The following RAPGEF2 variants were observed in gnomAD, a reference collection of about 807,000 sequenced individuals.
RAPGEF2 encodes Rap guanine nucleotide exchange factor 2, also known as PDZ domain containing guanine nucleotide exchange factor (GEF) 1.
A neutral mutation model predicts 186.7 loss-of-function variants in RAPGEF2; 54 were observed. The ratio of observed to expected loss-of-function variants is 0.29; its 90% CI spans 0.23 to 0.36. RAPGEF2 has a LOEUF of 0.36. Ranked by LOEUF, RAPGEF2 falls within the 10% of genes least tolerant of loss-of-function variation. The probability of loss-of-function intolerance (pLI) is 1.00; values close to 1 mark genes in which losing one functional copy is unlikely to be tolerated. For missense variants in RAPGEF2, 1,532 were observed against 2,045.0 expected (o/e 0.75, Z 4.84); for synonymous variants, 712 against 705.9 (o/e 1.01, Z -0.14).
At chr4:159,120,344 T>C (rs1739530962) in intron 1 of RAPGEF2, among the ~76,000 whole-genome samples, 1 of 152,346 alleles carries the variant, frequency 6.6e-6, no homozygotes, top group Middle Eastern at 3.4e-3. Context: ...TATAAGTATA[T>C]ATTTTTATGT....
intron 7 of RAPGEF2, among the ~76,000 whole-genome samples, chr4:159,273,674 CT>C (rs1190775691): frequency 6.8e-6 from 1 of 148,012 alleles, no homozygotes; most frequent in Non-Finnish European, 1.5e-5. Flanking sequence ...TTCTTTCTTT[CT>C]TTCTTTCTTT....
At chr4:159,302,117 T>C (rs1201612752) in intron 7 of RAPGEF2, among the ~76,000 whole-genome samples, 1 of 152,198 alleles carries the variant, frequency 6.6e-6, no homozygotes, top group Non-Finnish European at 1.5e-5. Context: ...AATTCTGATA[T>C]TTGGCTGTAA....
chr4:159,283,939 C>G lies in RAPGEF2; in HGVS notation c.544-20403C>G, dbSNP rs146642300. 9.0e-3 allele frequency among the ~76,000 whole-genome samples: 1,371 copies of G among 152,196 alleles called. 13 individuals carry two copies. The highest frequency in any genetic ancestry group is 0.012 in the Non-Finnish European group (799 of 67,998). On this transcript the variant is annotated intron_variant, in intron 7 of 29. Transcript: ENST00000691494. The stretch of plus-strand genomic sequence containing the variant: ...AAGCCATGAGTTCATTCTCCACCCC[C>G]CTCCCCAAATTTGCATGCAGTAAAA...
rs771342675 is a variant in RAPGEF2 at position 159,304,309 on chromosome 4, T to C, written c.544-33T>C. ...GTCTTCTTGGAGTTCTTGATTCAGA[T>C]TGTAATCCTAGTTTTTCCTGCTCCT... On this transcript the variant is annotated intron_variant, in intron 7 of 29. Transcript: ENST00000691494. The C allele has an allele frequency of 5.8e-6, 9 of 1,555,606 alleles. No homozygotes were observed. The South Asian group carries it at 9.4e-5, about 16-fold the overall frequency.
intron 8 of RAPGEF2, among the ~76,000 whole-genome samples, chr4:159,313,464 C>T (rs1764188328): frequency 6.6e-6 from 1 of 152,056 alleles, no homozygotes; most frequent in Admixed American, 6.5e-5. Flanking sequence ...AAATACATAG[C>T]AATTAGAGCA....
intron 4 of RAPGEF2, chr4:159,229,555 T>G (rs1289142843): frequency 2.6e-5 from 4 of 152,232 alleles, no homozygotes; most frequent in Admixed American, 2.6e-4. Flanking sequence ...TCCCAAACTT[T>G]CATGCGGTGT....
intron 1 of RAPGEF2, among the ~76,000 whole-genome samples, chr4:159,183,027 T>TA (rs1747184689): frequency 2.0e-5 from 3 of 152,102 alleles, no homozygotes; most frequent in African/African-American, 7.2e-5. Flanking sequence ...GCAACCCTAC[T>TA]AAAATCCCAA....
intron 7 of RAPGEF2, among the ~76,000 whole-genome samples, chr4:159,252,644 A>C (rs1755601620): frequency 1.3e-5 from 2 of 152,164 alleles, no homozygotes; most frequent in African/African-American, 2.4e-5. Context: ...GCAGCCAGCT[A>C]TTCTGCAAGC....
At position 159,346,927 on chromosome 4, in the gene RAPGEF2, G is replaced by T. The variant is rs113393985; in HGVS notation, c.3641G>T (p.Gly1214Val). 184 of 1,614,148 alleles carry T rather than the reference G, an allele frequency of 1.1e-4. No homozygotes were observed. The East Asian group carries it at 1.8e-3, about 15-fold the overall frequency. The change falls in exon 25 of 30, where the codon GGA becomes GTA. Residue 1214 changes from glycine to valine, a missense_variant. Gly to Val is a moderately radical substitution (Grantham distance 109). Coordinates refer to ENST00000691494, the MANE Select transcript of RAPGEF2 (RefSeq NM_001394067.2). Reference protein sequence around the residue: ...QPPPAHKINQGLQVPAVSLYP... With the variant: ...QPPPAHKINQVLQVPAVSLYP... Reference sequence around the variant, plus strand: ...CCACCAGCACATAAAATCAACCAGGGACTACAGGTTCCCGCCGTGTCCCTT... The same window carrying T: ...CCACCAGCACATAAAATCAACCAGGTACTACAGGTTCCCGCCGTGTCCCTT...
In RAPGEF2 at chr4:159,129,934, A is replaced by C. The variant is rs903738525; in HGVS notation, c.69+25703A>C. 3.3e-5 allele frequency among the ~76,000 whole-genome samples: 5 copies of C among 152,210 alleles called. No homozygotes were observed. In the South Asian group the frequency reaches 1.0e-3, roughly 32 times the overall value. On this transcript the variant is annotated intron_variant, in intron 1 of 29. Transcript: ENST00000691494. ...TGAGGACTGGTGGCTGGCTGTTTTT[A>C]TGGTTATTTCTTGATTATATACTAA...
At chr4:159,215,911 C>A (rs1750954610) in intron 4 of RAPGEF2, among the ~76,000 whole-genome samples, 2 of 152,142 alleles carry the variant, frequency 1.3e-5, no homozygotes, top group Non-Finnish European at 2.9e-5. Flanking sequence ...GCTTCTCATG[C>A]ATGGACTCTA....
chr4:159,263,828 A>G (rs1757141871), intron 7 of RAPGEF2, among the ~76,000 whole-genome samples: 1 of 152,182 alleles, frequency 6.6e-6, no homozygotes, highest in South Asian at 2.1e-4. Flanking sequence ...GGTGGAAAAA[A>G]AAAGAATATA....
intron 9 of RAPGEF2, among the ~76,000 whole-genome samples, chr4:159,320,426 T>A (rs1251741025): frequency 6.6e-6 from 1 of 152,214 alleles, no homozygotes; most frequent in African/African-American, 2.4e-5. Context: ...ACAGAACGTA[T>A]TCTTTCTATA....
At chr4:159,146,677 G>A (rs1022601539) in intron 1 of RAPGEF2, among the ~76,000 whole-genome samples, 2 of 152,178 alleles carry the variant, frequency 1.3e-5, no homozygotes, top group African/African-American at 4.8e-5. Flanking sequence ...GAAGAACTGG[G>A]ATTTGAATCC....
At chr4:159,109,438 T>G (rs1738251942) in intron 1 of RAPGEF2, among the ~76,000 whole-genome samples, 1 of 152,230 alleles carries the variant, frequency 6.6e-6, no homozygotes, top group Non-Finnish European at 1.5e-5. Flanking sequence ...TCACTCCATT[T>G]TTGGTAACAA....
At chr4:159,245,215 C>T (rs1666262365) in intron 7 of RAPGEF2, among the ~76,000 whole-genome samples, 1 of 152,002 alleles carries the variant, frequency 6.6e-6, no homozygotes, top group African/African-American at 2.4e-5. Context: ...CATGAATACT[C>T]ATAGTCCATG....
chr4:159,268,994 C>A (rs955291151), intron 7 of RAPGEF2, among the ~76,000 whole-genome samples: 6 of 152,112 alleles, frequency 3.9e-5, no homozygotes, highest in African/African-American at 1.4e-4. Flanking sequence ...ATTTAGACAG[C>A]CTGTATAGTA....
chr4:159,156,891 A>G (rs571868889), intron 1 of RAPGEF2, among the ~76,000 whole-genome samples: 2 of 152,370 alleles, frequency 1.3e-5, no homozygotes, highest in East Asian at 1.9e-4. Flanking sequence ...GAAATATAGT[A>G]TAACAACCAT....
intron 2 of RAPGEF2, among the ~76,000 whole-genome samples, chr4:159,190,919 G>A (rs958456396): frequency 4.6e-5 from 7 of 152,200 alleles, no homozygotes; most frequent in African/African-American, 1.7e-4. Context: ...TTCTGGGAAA[G>A]CATATTTTGG....
Sources: gnomAD v4.1 joint callset for allele counts (sites outside exome capture counted in the v4.1 genomes callset) on GRCh38, gnomAD v4.1.1 for gene constraint, MANE v1.5 for transcripts, NCBI Gene and HGNC (gene_info 2026-07-23, HGNC 2026-07-21) for gene names.